The following TBC1D21 variants were observed in gnomAD, a reference collection of about 807,000 sequenced individuals.
The protein encoded by TBC1D21 is TBC1 domain family member 21, also known as male germ cell Rab GTPase-activating protein.
In TBC1D21, 38 loss-of-function variants were observed where a neutral mutation model predicts 46.0. The observed-to-expected ratio is 0.83, with a 90% CI of 0.64 to 1.08. TBC1D21 has a LOEUF of 1.08. Ranked by LOEUF, TBC1D21 falls within the 50% of genes least tolerant of loss-of-function variation. The probability of loss-of-function intolerance (pLI) is 0.00; values close to 1 mark genes in which losing one functional copy is unlikely to be tolerated. For synonymous variants in TBC1D21, 151 were observed against 157.2 expected (o/e 0.96, Z 0.29); for missense variants, 415 against 417.9 (o/e 0.99, Z 0.06).
chr15:73,891,352 T>C (rs2068335054), downstream of TBC1D21, among the ~76,000 whole-genome samples: 1 of 152,208 alleles, frequency 6.6e-6, no homozygotes, highest in Non-Finnish European at 1.5e-5. Context: ...TTCAGTACTG[T>C]CTTAGACCAT....
intron 9 of TBC1D21, 104 bp from the exon 10 acceptor site, chr15:73,888,326 A>C: frequency 1.1e-6 from 1 of 926,230 alleles, no homozygotes; most frequent in Non-Finnish European, 1.7e-6. Context: ...TGCTGTGAGC[A>C]GCATCCTTCT....
At chr15:73,908,346 T>C in the TBC1D21 span, 25 of 152,284 alleles carry the variant, frequency 1.6e-4, no homozygotes, top group Admixed American at 1.6e-3. Context: ...TGCAGGCCCA[T>C]GGCTGGATGA....
At chr15:73,909,740 C>G in the TBC1D21 span, 1 of 152,206 alleles carries the variant, frequency 6.6e-6, no homozygotes, top group Non-Finnish European at 1.5e-5. Flanking sequence ...CCGAGACTCA[C>G]TTCTTTCTCA....
intron 8 of TBC1D21, 143 bp from the exon 9 acceptor site, chr15:73,887,477 T>C: frequency 1.5e-6 from 1 of 686,562 alleles, no homozygotes; most frequent in Non-Finnish European, 2.6e-6. Flanking sequence ...AGTGAGTGAA[T>C]GAAGGAATGA....
At chr15:73,896,268 G>A in the TBC1D21 span, among the ~76,000 whole-genome samples, 1 of 152,128 alleles carries the variant, frequency 6.6e-6, no homozygotes, top group African/African-American at 2.4e-5. Context: ...CATGTTAGTG[G>A]CAGTCATAGT....
chr15:73,907,185 C>CA, the TBC1D21 span, among the ~76,000 whole-genome samples: 1 of 152,132 alleles, frequency 6.6e-6, no homozygotes, highest in Non-Finnish European at 1.5e-5. Context: ...CACTCCCCAC[C>CA]AGCTAACTAG....
the TBC1D21 span, among the ~76,000 whole-genome samples, chr15:73,897,976 C>T: frequency 6.6e-6 from 1 of 152,242 alleles, no homozygotes; most frequent in East Asian, 1.9e-4. Context: ...CCCCAGCACA[C>T]ACACACATTC....
intron 7 of TBC1D21, 145 bp downstream of exon 7, chr15:73,886,319 A>C: frequency 1.1e-6 from 1 of 882,956 alleles, no homozygotes; most frequent in Non-Finnish European, 1.8e-6. Context: ...GAAGAGGGTT[A>C]TCTGGATGGG....
chr15:73,876,170 G>C (rs1170550786), intron 1 of TBC1D21, among the ~76,000 whole-genome samples: 2 of 140,702 alleles, frequency 1.4e-5, no homozygotes, highest in Non-Finnish European at 3.1e-5. Context: ...GAGTTTCCTA[G>C]AAGGAAGAAT....
chr15:73,894,896 A>G, the TBC1D21 span, among the ~76,000 whole-genome samples: 1 of 152,208 alleles, frequency 6.6e-6, no homozygotes, highest in African/African-American at 2.4e-5. Context: ...ACCTCAAACA[A>G]AAGCACTAGC....
chr15:73,890,947 A>G (rs773343015), downstream of TBC1D21, among the ~76,000 whole-genome samples: 11 of 152,026 alleles, frequency 7.2e-5, no homozygotes, highest in Non-Finnish European at 1.0e-4. Flanking sequence ...ACTAGGGTGC[A>G]TATTTGAAAA....
chr15:73,875,723 C>T (rs755847035), intron 1 of TBC1D21, among the ~76,000 whole-genome samples: 3 of 152,148 alleles, frequency 2.0e-5, no homozygotes, highest in Admixed American at 6.5e-5. Context: ...TCTAGCAGTA[C>T]GCTTCCCAGG....
At chr15:73,894,732 C>T in the TBC1D21 span, among the ~76,000 whole-genome samples, 5 of 152,144 alleles carry the variant, frequency 3.3e-5, no homozygotes, top group Non-Finnish European at 7.4e-5. Flanking sequence ...GCCTCTCTTT[C>T]CTATCCCTGC....
the TBC1D21 span, among the ~76,000 whole-genome samples, chr15:73,900,969 G>A: frequency 6.6e-6 from 1 of 152,158 alleles, no homozygotes; most frequent in African/African-American, 2.4e-5. Context: ...ATAGAAACTG[G>A]GACTCAAAGC....
chr15:73,900,119 C>G, the TBC1D21 span, among the ~76,000 whole-genome samples: 1 of 152,216 alleles, frequency 6.6e-6, no homozygotes, highest in African/African-American at 2.4e-5. Flanking sequence ...TCCATCACCA[C>G]CCGTTCTCTG....
At chr15:73,889,633 G>C (rs2068320120), downstream of TBC1D21, among the ~76,000 whole-genome samples, 1 of 152,234 alleles carries the variant, frequency 6.6e-6, no homozygotes, top group Admixed American at 6.5e-5. Context: ...CTAGTCTGTG[G>C]AAGGGGCTGG....
chr15:73,885,942 G>A, intron 6 of TBC1D21, 136 bp from the exon 7 acceptor site: 1 of 666,618 alleles, frequency 1.5e-6, no homozygotes, highest in Non-Finnish European at 2.7e-6. Flanking sequence ...CACACACTCA[G>A]ACTCATAGAG....
chr15:73,888,779 C>T (rs760404203), intron 10 of TBC1D21, among the ~76,000 whole-genome samples: 37 of 152,038 alleles, frequency 2.4e-4, no homozygotes, highest in African/African-American at 7.5e-4. Context: ...ATCTCCCAAA[C>T]GCAGCCCATG....
downstream of TBC1D21, among the ~76,000 whole-genome samples, chr15:73,889,843 C>T (rs991360568): frequency 2.0e-5 from 3 of 152,258 alleles, no homozygotes; most frequent in African/African-American, 7.2e-5. Flanking sequence ...GTGCATCACA[C>T]CTGCTCCCCC....
Sources: gnomAD v4.1 joint callset for allele counts (sites outside exome capture counted in the v4.1 genomes callset) on GRCh38, gnomAD v4.1.1 for gene constraint, MANE v1.5 for transcripts, NCBI Gene and HGNC (gene_info 2026-07-23, HGNC 2026-07-21) for gene names.